Variants in EFTUD2 observed in about 807,000 individuals in gnomAD.
The protein encoded by EFTUD2 is 116 kDa U5 small nuclear ribonucleoprotein component.
Under a neutral mutation model 114.3 loss-of-function variants are expected in EFTUD2, and 9 were observed. The ratio of observed to expected loss-of-function variants is 0.08; its 90% CI spans 0.05 to 0.14. The LOEUF (loss-of-function observed/expected upper bound fraction) is 0.14. Among genes scored for constraint, EFTUD2 ranks in the 10% least tolerant of loss-of-function variants. The pLI is 1.00. For missense variants in EFTUD2, 765 were observed against 1,241.2 expected, an observed-to-expected ratio of 0.62 and a Z score of 5.76; for synonymous variants, 449 against 462.3, an observed-to-expected ratio of 0.97 and a Z score of 0.37.
chr17:44,880,650 A>T lies in EFTUD2; in HGVS notation c.529-6T>A. 2.5e-6 allele frequency: 4 copies of T among 1,612,162 alleles called. No homozygotes were observed. The South Asian group carries it at 4.4e-5, about 18-fold the overall frequency. On this transcript the variant is annotated splice_polypyrimidine_tract_variant and splice_region_variant and intron_variant, in intron 7 of 27. Coordinates refer to ENST00000426333, the MANE Select transcript of EFTUD2 (RefSeq NM_004247.4). ...CTTTTGATGCCTACACCTCTCTGAA[A>T]GGAACAAAGAGTGGTCAAGACCTCT...
intron 4 of EFTUD2, 35 bp from the exon 5 acceptor site, chr17:44,883,759 G>A: frequency 6.2e-7 from 1 of 1,606,766 alleles, no homozygotes; most frequent in Non-Finnish European, 8.5e-7. Context: ...AAGAGAGATT[G>A]GCAAACGTTT....
At chr17:44,887,264 C>G (rs1237204118) in intron 2 of EFTUD2, among the ~76,000 whole-genome samples, 1 of 152,142 alleles carries the variant, frequency 6.6e-6, no homozygotes, top group Non-Finnish European at 1.5e-5. Context: ...TTTGGTAGTT[C>G]CTCAAAATGT....
chr17:44,863,437 T>C lies in EFTUD2; in HGVS notation c.1413+218A>G, dbSNP rs542329651. ...CTCACATTTTATTATGCTCGTGTTA[T>C]AGACCAAGGCCTTGAGGCTCAGGAA... On this transcript the variant is annotated intron_variant, in intron 15 of 27. Coordinates refer to ENST00000426333, the MANE Select transcript of EFTUD2 (RefSeq NM_004247.4). The C allele has an allele frequency of 1.5e-4, 76 of 516,678 alleles. No homozygotes were observed. The East Asian group carries it at 2.0e-3, about 13-fold the overall frequency. The allele number at this position is 516,678 out of a possible 1,614,324, so 32.0% of individuals were successfully genotyped here.
intron 9 of EFTUD2, among the ~76,000 whole-genome samples, chr17:44,877,100 G>A (rs2050974693): frequency 1.3e-5 from 2 of 152,000 alleles, no homozygotes; most frequent in African/African-American, 4.8e-5. Flanking sequence ...GGAGGCTGAA[G>A]TGAGTGAATC....
At position 44,886,879 on chromosome 17, in the gene EFTUD2, TG is replaced by T. The variant is rs2051184997; in HGVS notation, c.106-130del. Reference sequence around the variant, plus strand: ...CTTCTTATTCTGAGTTCTATGCCAGTGGGGGAGGTTCCACTCCTTTGAGACC... The same window carrying T: ...CTTCTTATTCTGAGTTCTATGCCAGTGGGGAGGTTCCACTCCTTTGAGACC... On this transcript the variant is annotated intron_variant, in intron 2 of 27. Transcript: ENST00000426333. The T allele has an allele frequency of 3.0e-5, 43 of 1,443,152 alleles. 1 individual carries two copies. The South Asian group carries it at 5.9e-4, about 20-fold the overall frequency. The allele number at this position is 1,443,152 out of a possible 1,614,324, so 89.4% of individuals were successfully genotyped here.
chr17:44,853,790 A>G (rs1216379848), intron 23 of EFTUD2, 155 bp from the exon 24 acceptor site: 3 of 1,462,502 alleles, frequency 2.1e-6, no homozygotes, highest in Non-Finnish European at 1.8e-6. Context: ...TAACTGAATA[A>G]GCAAGGCCCA....
intron 16 of EFTUD2, among the ~76,000 whole-genome samples, chr17:44,861,202 A>T (rs1174200027): frequency 1.3e-5 from 2 of 152,060 alleles, no homozygotes; most frequent in Non-Finnish European, 2.9e-5. Flanking sequence ...GTGCTTTGGG[A>T]GGCTGAGGTG....
In EFTUD2 at chr17:44,876,120, G is replaced by C. The variant is rs1438636605; in HGVS notation, c.703-20C>G. 6.2e-7 allele frequency: 1 copy of C among 1,603,110 alleles called. No homozygotes were observed. The highest frequency in any genetic ancestry group is 1.7e-5 in the Admixed American group (1 of 59,720). ...CATCACCTGAGAAAAACAAGGCTCA[G>C]AAGGTGGTAAGAAGAACAAGGAGGG... On this transcript the variant is annotated intron_variant, in intron 9 of 27. Coordinates refer to ENST00000426333, the MANE Select transcript of EFTUD2 (RefSeq NM_004247.4).
chr17:44,853,502 G>T lies in EFTUD2; in HGVS notation c.2466+15C>A. The T allele has an allele frequency of 1.2e-6, 2 of 1,613,572 alleles. No individual in the cohort carries two copies. Among genetic ancestry groups the T allele is most frequent in the Non-Finnish European group, 1.7e-6 (2 of 1,179,504 alleles). On this transcript the variant is annotated intron_variant, in intron 24 of 27. Transcript: ENST00000426333. The stretch of plus-strand genomic sequence containing the variant: ...CCAGTGAAGCAGATGGTCCCCTACC[G>T]CCCCATTCTCTTACCATGAGGAAGG...
At chr17:44,895,560 C>T (rs1345882371) in intron 1 of EFTUD2, among the ~76,000 whole-genome samples, 1 of 149,936 alleles carries the variant, frequency 6.7e-6, no homozygotes, top group Non-Finnish European at 1.5e-5. Context: ...GCATCATTTA[C>T]AGTTGCCTTC....
chr17:44,853,231 G>T, intron 25 of EFTUD2, 65 bp downstream of exon 25: 2 of 1,535,424 alleles, frequency 1.3e-6, no homozygotes, highest in Non-Finnish European at 1.8e-6. Context: ...CCCTGTAGGA[G>T]CCGAGGTGAC....
At position 44,861,606 on chromosome 17, in the gene EFTUD2, G is replaced by A. The variant is rs541077917; in HGVS notation, c.1608-1063C>T. On this transcript the variant is annotated intron_variant, in intron 16 of 27. Transcript: ENST00000426333. ...AAATTAGCTGGGCATGGTGGCGGGC[G>A]CCTGTAGTCCCAGCTACTTGGGAGG... Among the ~76,000 whole-genome samples the A allele has an allele frequency of 8.0e-4, 121 of 151,486 alleles. 1 individual carries two copies. Among genetic ancestry groups the A allele is most frequent in the African/African-American group, 2.8e-3 (115 of 41,322 alleles).
chr17:44,863,011 T>G (rs779822071), intron 15 of EFTUD2, 105 bp from the exon 16 acceptor site: 1 of 928,226 alleles, frequency 1.1e-6, no homozygotes, highest in Admixed American at 2.4e-5. Flanking sequence ...TATGAGGAGC[T>G]AGAGAAAGAT....
At position 44,851,346 on chromosome 17, in the gene EFTUD2, G is replaced by A; in HGVS notation, c.2847C>T (p.Ile949=). 1.2e-6 allele frequency: 2 copies of A among 1,614,034 alleles called. No homozygotes were observed. Among genetic ancestry groups the A allele is most frequent in the African/African-American group, 1.3e-5 (1 of 75,042 alleles). ...RRKGLSEDVS[I]SKFFDDPMLL... ...ACATAGGATCATCGAAGAATTTGCT[G>A]ATGCTCACATCTTCACTGAGGCCCT... The change falls in exon 28 of 28, where the codon ATC becomes ATT. Residue 949 remains isoleucine, a synonymous_variant. Coordinates refer to ENST00000426333, the MANE Select transcript of EFTUD2 (RefSeq NM_004247.4).
chr17:44,885,333 T>C lies in EFTUD2; in HGVS notation c.273A>G (p.Glu91=), dbSNP rs1294432719. The change falls in exon 4 of 28, where the codon GAA becomes GAG. Residue 91 remains glutamate, a splice_region_variant and synonymous_variant. Coordinates refer to ENST00000426333, the MANE Select transcript of EFTUD2 (RefSeq NM_004247.4). ...VQEEDTQPLT[E]PIIKPVKTKK... is the part of the protein sequence containing the mutation. ...TGGTTTTCACTGGCTTAATAATGGG[T>C]TCTAGAAGAAAAAAAAAAGGTAGTG... The C allele has an allele frequency of 1.2e-6, 2 of 1,611,806 alleles. No homozygotes were observed. Among genetic ancestry groups the C allele is most frequent in the Non-Finnish European group, 8.5e-7 (1 of 1,178,230 alleles).
At chr17:44,889,850 C>G (rs1227995651) in intron 2 of EFTUD2, among the ~76,000 whole-genome samples, 1 of 152,134 alleles carries the variant, frequency 6.6e-6, no homozygotes, top group Non-Finnish European at 1.5e-5. Context: ...TTTCTCCTGC[C>G]CCATACTGCT....
chr17:44,892,387 A>C (rs1415798139), intron 2 of EFTUD2: 1 of 152,134 alleles, frequency 6.6e-6, no homozygotes, highest in East Asian at 1.9e-4. Context: ...ATGTCACAAG[A>C]GCTCTGCTGG....
At chr17:44,881,638 C>T in intron 7 of EFTUD2, 49 bp downstream of exon 7, 1 of 1,601,654 alleles carries the variant, frequency 6.2e-7, no homozygotes, top group Non-Finnish European at 8.6e-7. Context: ...AAAACTATTA[C>T]TGGTGGGTCT....
At chr17:44,859,502 G>C (rs1052662215) in intron 18 of EFTUD2, 3 of 502,442 alleles carry the variant, frequency 6.0e-6, no homozygotes, top group African/African-American at 5.7e-5. Context: ...ACCTGGAAAG[G>C]TACACTGGCA....
Sources: allele counts gnomAD v4.1 joint callset (sites outside exome capture counted in the v4.1 genomes callset), GRCh38; gene constraint gnomAD v4.1.1; transcripts MANE v1.5; gene names NCBI Gene and HGNC (gene_info 2026-07-23, HGNC 2026-07-21).